The following SLC71A1 variants were observed in gnomAD, a reference collection of about 807,000 sequenced individuals.
SLC71A1 encodes the protein hippocampus abundant gene transcript 1.
chr1:100,081,931 A>C, the SLC71A1 span: 3 of 1,169,500 alleles, frequency 2.6e-6, no homozygotes, highest in Non-Finnish European at 1.3e-6. Flanking sequence ...AGTTAATACT[A>C]AAAGGTATGT....
At chr1:100,046,131 T>G in the SLC71A1 span, among the ~76,000 whole-genome samples, 1 of 152,086 alleles carries the variant, frequency 6.6e-6, no homozygotes, top group East Asian at 1.9e-4. Context: ...GTATCTGTTT[T>G]TATACCAGTA....
At chr1:100,080,995 T>A in the SLC71A1 span, among the ~76,000 whole-genome samples, 2 of 152,258 alleles carry the variant, frequency 1.3e-5, no homozygotes, top group Admixed American at 6.5e-5. Context: ...GGCAGGCTTA[T>A]GGTAAATAAC....
the SLC71A1 span, chr1:100,049,991 C>T: frequency 3.8e-6 from 6 of 1,574,360 alleles, no homozygotes; most frequent in South Asian, 6.7e-5. Flanking sequence ...CTATTGACAG[C>T]ACCCACCTTG....
At chr1:100,073,639 T>C in the SLC71A1 span, among the ~76,000 whole-genome samples, 2 of 152,226 alleles carry the variant, frequency 1.3e-5, no homozygotes, top group Non-Finnish European at 2.9e-5. Context: ...AGCAGGCTCA[T>C]ATGCATCTTT....
the SLC71A1 span, chr1:100,082,585 A>G: frequency 5.2e-6 from 1 of 191,710 alleles, no homozygotes; most frequent in Non-Finnish European, 1.1e-5. Context: ...AGTAGGTAGT[A>G]TGGTTGTGGA....
At chr1:100,063,022 ATAGTC>A in the SLC71A1 span, among the ~76,000 whole-genome samples, 1 of 152,160 alleles carries the variant, frequency 6.6e-6, no homozygotes, top group South Asian at 2.1e-4. Context: ...TATTTAAAAA[ATAGTC>A]TAATTAAGCT....
the SLC71A1 span, among the ~76,000 whole-genome samples, chr1:100,067,517 T>C: frequency 2.6e-5 from 4 of 152,016 alleles, no homozygotes; most frequent in Non-Finnish European, 4.4e-5. Flanking sequence ...GGAGAGAGTA[T>C]AAGAAAAGTG....
At chr1:100,042,844 G>A in the SLC71A1 span, among the ~76,000 whole-genome samples, 7 of 151,876 alleles carry the variant, frequency 4.6e-5, no homozygotes, top group Admixed American at 1.3e-4. Flanking sequence ...TCTTGACTTC[G>A]GGTGATCCAC....
chr1:100,043,248 T>G, the SLC71A1 span: 1 of 918,810 alleles, frequency 1.1e-6, no homozygotes. Flanking sequence ...CTGACAAGTC[T>G]GTATGATTTA....
the SLC71A1 span, among the ~76,000 whole-genome samples, chr1:100,049,196 A>C: frequency 2.6e-5 from 4 of 152,250 alleles, no homozygotes; most frequent in African/African-American, 9.6e-5. Flanking sequence ...GTATAAACTT[A>C]ATTTTGTATT....
the SLC71A1 span, chr1:100,058,627 A>C: frequency 9.4e-7 from 1 of 1,060,214 alleles, no homozygotes; most frequent in Non-Finnish European, 1.5e-6. Flanking sequence ...TAAGACTGAA[A>C]TATAGCATGT....
chr1:100,080,434 T>C, the SLC71A1 span: 2 of 1,371,874 alleles, frequency 1.5e-6, no homozygotes, highest in Non-Finnish European at 2.1e-6. Flanking sequence ...TTTGTACTGG[T>C]TCTAAGGTAG....
the SLC71A1 span, among the ~76,000 whole-genome samples, chr1:100,038,782 G>A: frequency 3.3e-5 from 5 of 152,246 alleles, no homozygotes; most frequent in African/African-American, 1.2e-4. Flanking sequence ...GTCTGGCGCG[G>A]GGATCCCGCT....
the SLC71A1 span, among the ~76,000 whole-genome samples, chr1:100,048,951 G>T: frequency 6.6e-6 from 1 of 152,186 alleles, no homozygotes; most frequent in Non-Finnish European, 1.5e-5. Context: ...CTTGGAAGTT[G>T]TTCTTGATTC....
At chr1:100,066,831 T>C in the SLC71A1 span, among the ~76,000 whole-genome samples, 1 of 151,260 alleles carries the variant, frequency 6.6e-6, no homozygotes, top group Non-Finnish European at 1.5e-5. Context: ...CTACTAAAAA[T>C]ACAAAAAATT....
At chr1:100,053,582 A>AT in the SLC71A1 span, among the ~76,000 whole-genome samples, 3 of 152,100 alleles carry the variant, frequency 2.0e-5, no homozygotes, top group Admixed American at 2.0e-4. Context: ...TCTTTGAAGT[A>AT]TTTTTTTAAT....
At chr1:100,059,860 T>A in the SLC71A1 span, 1 of 1,592,304 alleles carries the variant, frequency 6.3e-7, no homozygotes. Context: ...ATTCATTTTT[T>A]TCATTTAATT....
the SLC71A1 span, among the ~76,000 whole-genome samples, chr1:100,047,922 G>C: frequency 1.3e-5 from 2 of 152,052 alleles, no homozygotes; most frequent in Non-Finnish European, 2.9e-5. Context: ...AAAAGATATG[G>C]AAAATTCAGA....
chr1:100,044,092 C>T, the SLC71A1 span, among the ~76,000 whole-genome samples: 4 of 152,114 alleles, frequency 2.6e-5, no homozygotes, highest in South Asian at 8.3e-4. Flanking sequence ...CTGGATCAAA[C>T]AGTAGTTCTA....
Sources: allele counts gnomAD v4.1 joint callset (sites outside exome capture counted in the v4.1 genomes callset), GRCh38; gene constraint gnomAD v4.1.1; transcripts MANE v1.5; gene names NCBI Gene and HGNC (gene_info 2026-07-23, HGNC 2026-07-21).